TEAD1: variants seen among roughly 807,000 people sequenced by gnomAD.
The protein encoded by TEAD1 is transcriptional enhancer factor TEF-1.
TEAD1 carries 9 observed loss-of-function variants against 54.9 expected under a neutral mutation model. The ratio of observed to expected loss-of-function variants is 0.16; its 90% CI spans 0.10 to 0.29. The LOEUF is 0.29. Among genes scored for constraint, TEAD1 ranks in the 10% least tolerant of loss-of-function variants. TEAD1 has a pLI of 1.00. For missense variants in TEAD1, 387 were observed against 535.9 expected, an observed-to-expected ratio of 0.72 and a Z score of 2.74; for synonymous variants, 200 against 187.8, an observed-to-expected ratio of 1.07 and a Z score of -0.53.
intron 10 of TEAD1, among the ~76,000 whole-genome samples, chr11:12,911,541 G>T (rs994794730): frequency 1.3e-5 from 2 of 152,122 alleles, no homozygotes; most frequent in African/African-American, 4.8e-5. Context: ...CTCAAAATGC[G>T]TTTTAAAGTT....
intron 5 of TEAD1, among the ~76,000 whole-genome samples, chr11:12,869,493 A>G (rs1947694783): frequency 6.6e-6 from 1 of 152,202 alleles, no homozygotes; most frequent in Non-Finnish European, 1.5e-5. Flanking sequence ...AACTTTTCAG[A>G]AAGATTTTCA....
rs566395588 is a variant in TEAD1 at position 12,871,262 on chromosome 11, C to T, written c.330+6362C>T. Reference sequence around the variant, plus strand: ...CACCAACACCAGCTTTACCTGTTGTCTTCCATCTCACCCTTTCCCTTAGTT... The same window carrying T: ...CACCAACACCAGCTTTACCTGTTGTTTTCCATCTCACCCTTTCCCTTAGTT... On this transcript the variant is annotated intron_variant, in intron 5 of 12. Transcript: ENST00000527636. Among the ~76,000 whole-genome samples the T allele has an allele frequency of 7.9e-5, 12 of 152,358 alleles. No homozygotes were observed. In the East Asian group the frequency reaches 1.7e-3, roughly 22 times the overall value.
intron 3 of TEAD1, among the ~76,000 whole-genome samples, chr11:12,838,120 A>G (rs970634234): frequency 2.0e-5 from 3 of 152,124 alleles, no homozygotes; most frequent in Non-Finnish European, 4.4e-5. Flanking sequence ...TTTGAAGACA[A>G]TACTGTCACT....
intron 11 of TEAD1, among the ~76,000 whole-genome samples, chr11:12,929,357 T>A (rs1259352809): frequency 6.6e-6 from 1 of 152,082 alleles, no homozygotes; most frequent in African/African-American, 2.4e-5. Context: ...GCATTTTAAA[T>A]TTCTATTTCA....
intron 3 of TEAD1, among the ~76,000 whole-genome samples, chr11:12,803,874 T>C (rs1269986413): frequency 6.6e-6 from 1 of 152,180 alleles, no homozygotes; most frequent in Non-Finnish European, 1.5e-5. Context: ...GACCTGTTGG[T>C]TTATAGGACG....
At chr11:12,754,767 C>A (rs898928598) in intron 2 of TEAD1, among the ~76,000 whole-genome samples, 1 of 152,148 alleles carries the variant, frequency 6.6e-6, no homozygotes, top group Admixed American at 6.5e-5. Context: ...AAAATGCCAT[C>A]CTGATTCAGG....
chr11:12,892,978 C>G (rs957932265), intron 9 of TEAD1, among the ~76,000 whole-genome samples: 2 of 152,190 alleles, frequency 1.3e-5, no homozygotes, highest in African/African-American at 2.4e-5. Context: ...TTGACTGTTT[C>G]ATTTGACCTT....
chr11:12,867,714 A>T (rs999288904), intron 5 of TEAD1, among the ~76,000 whole-genome samples: 1 of 152,152 alleles, frequency 6.6e-6, no homozygotes, highest in East Asian at 1.9e-4. Context: ...CGAGGTCATC[A>T]TGGGGTCAGG....
intron 3 of TEAD1, among the ~76,000 whole-genome samples, chr11:12,791,420 T>G (rs1007255084): frequency 1.3e-5 from 2 of 152,244 alleles, no homozygotes; most frequent in African/African-American, 4.8e-5. Flanking sequence ...TGAAGATTAA[T>G]TCCTGATCTG....
At chr11:12,891,736 T>C (rs1948202298) in intron 9 of TEAD1, among the ~76,000 whole-genome samples, 1 of 152,226 alleles carries the variant, frequency 6.6e-6, no homozygotes, top group Admixed American at 6.5e-5. Context: ...TATTTGAACT[T>C]TGTCTGAATT....
chr11:12,869,908 C>A (rs1461569173), intron 5 of TEAD1, among the ~76,000 whole-genome samples: 1 of 151,570 alleles, frequency 6.6e-6, no homozygotes, highest in Non-Finnish European at 1.5e-5. Flanking sequence ...GAGACAGAGT[C>A]TTGCTTTGTC....
chr11:12,932,862 C>T (rs1949033641), intron 12 of TEAD1, among the ~76,000 whole-genome samples: 1 of 152,066 alleles, frequency 6.6e-6, no homozygotes, highest in South Asian at 2.1e-4. Flanking sequence ...GGTAAGTGCC[C>T]TATATAGGTG....
chr11:12,754,503 TC>T, intron 2 of TEAD1, among the ~76,000 whole-genome samples: 6 of 152,280 alleles, frequency 3.9e-5, no homozygotes, highest in Middle Eastern at 3.4e-3. Flanking sequence ...CTAGAGACTA[TC>T]AGACTTCTGC....
chr11:12,935,430 T>G (rs1949081842), intron 12 of TEAD1, among the ~76,000 whole-genome samples: 1 of 151,374 alleles, frequency 6.6e-6, no homozygotes, highest in Non-Finnish European at 1.5e-5. Flanking sequence ...TGAATTTTCA[T>G]TCATTCAGCA....
chr11:12,800,837 TC>T (rs1229048292), intron 3 of TEAD1, among the ~76,000 whole-genome samples: 3 of 152,214 alleles, frequency 2.0e-5, no homozygotes, highest in Non-Finnish European at 4.4e-5. Context: ...CTCATAGATT[TC>T]TAAGAGTCCT....
intron 2 of TEAD1, among the ~76,000 whole-genome samples, chr11:12,741,189 T>G (rs1188151013): frequency 6.6e-6 from 1 of 152,220 alleles, no homozygotes; most frequent in Non-Finnish European, 1.5e-5. Context: ...ATGTTTTAGT[T>G]CATTTTAATT....
chr11:12,782,908 G>T (rs981755198), intron 3 of TEAD1, among the ~76,000 whole-genome samples: 1 of 152,202 alleles, frequency 6.6e-6, no homozygotes, highest in Non-Finnish European at 1.5e-5. Context: ...ATGAAGTTAT[G>T]TGGTGCAAGA....
chr11:12,742,412 T>G (rs1349745664), intron 2 of TEAD1, among the ~76,000 whole-genome samples: 1 of 152,076 alleles, frequency 6.6e-6, no homozygotes. Flanking sequence ...TAGAGTAGAA[T>G]GGTGGTTACC....
rs1947363416 is a variant in TEAD1 at position 12,855,766 on chromosome 11, A to G, written c.203-6484A>G. Among the ~76,000 whole-genome samples the G allele has an allele frequency of 3.3e-5, 5 of 151,688 alleles. No homozygotes were observed. In the South Asian group the frequency reaches 1.0e-3, roughly 32 times the overall value. Reference sequence around the variant, plus strand: ...CGAGACTAGCCTGGGCAGCATAGTGAGACCTCTGTCTCTACAAAAAAAAAA... The same window carrying G: ...CGAGACTAGCCTGGGCAGCATAGTGGGACCTCTGTCTCTACAAAAAAAAAA... On this transcript the variant is annotated intron_variant, in intron 3 of 12. Coordinates refer to ENST00000527636, the MANE Select transcript of TEAD1 (RefSeq NM_021961.6).
Sources: gnomAD v4.1 joint callset for allele counts (sites outside exome capture counted in the v4.1 genomes callset) on GRCh38, gnomAD v4.1.1 for gene constraint, MANE v1.5 for transcripts, NCBI Gene and HGNC (gene_info 2026-07-23, HGNC 2026-07-21) for gene names.